NKAIN2: variants seen among roughly 807,000 people sequenced by gnomAD.
NKAIN2 encodes sodium/potassium-transporting ATPase subunit beta-1-interacting protein 2.
In NKAIN2, 14 loss-of-function variants were observed where a neutral mutation model predicts 32.6. That is an observed-to-expected ratio of 0.43 (90% CI 0.28 to 0.67). The LOEUF is 0.67. NKAIN2 is among the 30% of genes least tolerant of loss of function. NKAIN2 has a pLI of 0.17. For synonymous variants in NKAIN2, 80 were observed against 87.2 expected, an observed-to-expected ratio of 0.92 and a Z score of 0.46; for missense variants, 198 against 258.3, an observed-to-expected ratio of 0.77 and a Z score of 1.60.
chr6:124,276,454 A>G (rs562417356), intron 1 of NKAIN2, among the ~76,000 whole-genome samples: 1 of 152,190 alleles, frequency 6.6e-6, no homozygotes, highest in Admixed American at 6.5e-5. Context: ...CCTATTTTAC[A>G]TGTATAATCA....
intron 1 of NKAIN2, among the ~76,000 whole-genome samples, chr6:123,843,792 A>G (rs1774979005): frequency 6.6e-6 from 1 of 152,158 alleles, no homozygotes; most frequent in Non-Finnish European, 1.5e-5. Flanking sequence ...TGGGAGGGTA[A>G]TGGGGGAAGT....
intron 4 of NKAIN2, among the ~76,000 whole-genome samples, chr6:124,698,614 G>C (rs115000756): frequency 2.6e-3 from 389 of 152,234 alleles, no homozygotes; most frequent in African/African-American, 8.5e-3. Context: ...TAATTACTTT[G>C]CTCTCTAGAA....
At chr6:124,201,308 A>G (rs533011384) in intron 1 of NKAIN2, among the ~76,000 whole-genome samples, 2 of 152,142 alleles carry the variant, frequency 1.3e-5, no homozygotes, top group East Asian at 3.9e-4. Context: ...AATATGCATT[A>G]ATGGTTCTCT....
intron 3 of NKAIN2, among the ~76,000 whole-genome samples, chr6:124,369,898 T>TTTTTTTTTTTTTTTC (rs1554196328): frequency 6.7e-6 from 1 of 148,562 alleles, no homozygotes; most frequent in African/African-American, 2.5e-5. Context: ...TTTTTTTTTT[T>TTTTTTTTTTTTTTTC]AACCTGTGGA....
intron 1 of NKAIN2, among the ~76,000 whole-genome samples, chr6:124,221,208 A>G (rs1791796710): frequency 6.6e-6 from 1 of 151,996 alleles, no homozygotes; most frequent in South Asian, 2.1e-4. Context: ...CATATACACC[A>G]TGGAATACTA....
chr6:124,626,094 T>TCCCCCCCC (rs145583253), intron 3 of NKAIN2, among the ~76,000 whole-genome samples: 2 of 90,584 alleles, frequency 2.2e-5, no homozygotes, highest in African/African-American at 4.5e-5. Context: ...CCCTCCCCAC[T>TCCCCCCCC]CCCCACACCC....
At chr6:124,532,519 C>T (rs1779562045) in intron 3 of NKAIN2, among the ~76,000 whole-genome samples, 1 of 152,114 alleles carries the variant, frequency 6.6e-6, no homozygotes, top group Non-Finnish European at 1.5e-5. Flanking sequence ...CCAGTCTACT[C>T]TTATTGACAG....
rs139059702 is a variant in NKAIN2, at chr6:124,171,074, A to C, written c.55-111931A>C. 3.6e-3 allele frequency among the ~76,000 whole-genome samples: 551 copies of C among 152,274 alleles called. 5 individuals carry two copies. Among genetic ancestry groups the C allele is most frequent in the African/African-American group, 0.011 (438 of 41,570 alleles). On this transcript the variant is annotated intron_variant, in intron 1 of 6. Coordinates refer to ENST00000368417, the MANE Select transcript of NKAIN2 (RefSeq NM_001040214.3). Reference sequence around the variant, plus strand: ...ATTTCATTTGAGATGTGTGGGAAAGAGGTTAAAACAAATAAAGTGAAGACT... The same window carrying C: ...ATTTCATTTGAGATGTGTGGGAAAGCGGTTAAAACAAATAAAGTGAAGACT...
At chr6:124,454,574 T>A (rs992447880) in intron 3 of NKAIN2, among the ~76,000 whole-genome samples, 6 of 152,066 alleles carry the variant, frequency 3.9e-5, no homozygotes, top group Admixed American at 2.0e-4. Context: ...TGAGCAAAGA[T>A]GAAAGGTCTT....
At chr6:124,602,173 C>T (rs1328845222) in intron 3 of NKAIN2, among the ~76,000 whole-genome samples, 2 of 151,834 alleles carry the variant, frequency 1.3e-5, no homozygotes, top group Admixed American at 6.6e-5. Flanking sequence ...AATATAGTGG[C>T]CTTAAGGTTT....
chr6:124,076,165 G>A (rs146930201), intron 1 of NKAIN2, among the ~76,000 whole-genome samples: 60 of 152,252 alleles, frequency 3.9e-4, no homozygotes, highest in Middle Eastern at 3.4e-3. Flanking sequence ...CATAGTTTTG[G>A]TTAGAAATAG....
chr6:124,715,461 G>A lies in NKAIN2; in HGVS notation c.474+57075G>A, dbSNP rs902344126. On this transcript the variant is annotated intron_variant, in intron 4 of 6. Coordinates refer to ENST00000368417, the MANE Select transcript of NKAIN2 (RefSeq NM_001040214.3). ...TAGACTTAGCCTTGAGCTCTGCTCC[G>A]TGAGCCACTCTCCCCTGAGCCACTC... Among the ~76,000 whole-genome samples, 5 of 152,202 alleles carry A rather than the reference G, an allele frequency of 3.3e-5. No homozygotes were observed. In the South Asian group the frequency reaches 6.2e-4, roughly 19 times the overall value.
chr6:124,786,922 G>A (rs756574446), intron 4 of NKAIN2, among the ~76,000 whole-genome samples: 4 of 152,014 alleles, frequency 2.6e-5, no homozygotes, highest in Non-Finnish European at 5.9e-5. Flanking sequence ...TTTGTGCCGT[G>A]TTACTTCCCT....
intron 1 of NKAIN2, among the ~76,000 whole-genome samples, chr6:124,072,627 T>C (rs1240729986): frequency 6.6e-6 from 1 of 152,190 alleles, no homozygotes; most frequent in Non-Finnish European, 1.5e-5. Context: ...TCTAGGCCAC[T>C]CACTTTGCTC....
rs1377659846 is a variant in NKAIN2 at position 124,483,909 on chromosome 6, G to A, written c.273+128562G>A. 2.6e-5 allele frequency among the ~76,000 whole-genome samples: 4 copies of A among 152,122 alleles called. 1 individual carries two copies. The East Asian group carries it at 7.7e-4, about 29-fold the overall frequency. On this transcript the variant is annotated intron_variant, in intron 3 of 6. Coordinates refer to ENST00000368417, the MANE Select transcript of NKAIN2 (RefSeq NM_001040214.3). The stretch of plus-strand genomic sequence containing the variant: ...ATAAGAAGAAAAACACAACTAAGTA[G>A]TTATTAAAACTGCAGATAATTCCAC...
At chr6:123,957,805 G>T (rs1777666121) in intron 1 of NKAIN2, among the ~76,000 whole-genome samples, 1 of 151,958 alleles carries the variant, frequency 6.6e-6, no homozygotes, top group African/African-American at 2.4e-5. Flanking sequence ...ATTAATAAGA[G>T]GATAAAAAAG....
chr6:124,561,002 A>G (rs1780670286), intron 3 of NKAIN2, among the ~76,000 whole-genome samples: 1 of 152,182 alleles, frequency 6.6e-6, no homozygotes. Context: ...AGGTGATAGA[A>G]AAGCAGGAAT....
intron 1 of NKAIN2, among the ~76,000 whole-genome samples, chr6:123,922,869 G>A (rs1441157235): frequency 6.6e-6 from 1 of 152,094 alleles, no homozygotes; most frequent in Non-Finnish European, 1.5e-5. Flanking sequence ...TTTTTAACAT[G>A]GGGAAAGTTA....
intron 1 of NKAIN2, among the ~76,000 whole-genome samples, chr6:124,198,658 C>T (rs1045539569): frequency 6.6e-6 from 1 of 151,874 alleles, no homozygotes; most frequent in Admixed American, 6.6e-5. Context: ...AGACCTTTTG[C>T]TCTGCATGAG....
Sources: allele counts gnomAD v4.1 joint callset (sites outside exome capture counted in the v4.1 genomes callset), GRCh38; gene constraint gnomAD v4.1.1; transcripts MANE v1.5; gene names NCBI Gene and HGNC (gene_info 2026-07-23, HGNC 2026-07-21).